Variants in MAP3K5 observed in about 807,000 individuals in gnomAD.
MAP3K5 encodes mitogen-activated protein kinase kinase kinase 5, also known as ASK-1.
MAP3K5 carries 56 observed loss-of-function variants against 158.7 expected under a neutral mutation model. The observed-to-expected ratio is 0.35, with a 90% CI of 0.28 to 0.44. The LOEUF is 0.44. Ranked by LOEUF, MAP3K5 falls within the 20% of genes least tolerant of loss-of-function variation. The pLI, the probability that MAP3K5 is intolerant of heterozygous loss-of-function variation, is 1.00. For missense variants in MAP3K5, 1,294 were observed against 1,674.8 expected (o/e 0.77, Z 3.97); for synonymous variants, 579 against 601.7 (o/e 0.96, Z 0.55).
At chr6:136,651,496 C>T (rs1778518259) in intron 10 of MAP3K5, among the ~76,000 whole-genome samples, 1 of 152,076 alleles carries the variant, frequency 6.6e-6, no homozygotes, top group Admixed American at 6.5e-5. Flanking sequence ...AATGTCACAT[C>T]CTTATTTTAG....
At chr6:136,581,913 T>C (rs540821328) in intron 24 of MAP3K5, among the ~76,000 whole-genome samples, 30 of 152,106 alleles carry the variant, frequency 2.0e-4, no homozygotes, top group African/African-American at 7.2e-4. Context: ...CAAAACCCAA[T>C]CTCTACTAAA....
At chr6:136,590,187 C>T (rs571493486) in intron 23 of MAP3K5, among the ~76,000 whole-genome samples, 1 of 152,114 alleles carries the variant, frequency 6.6e-6, no homozygotes, top group Non-Finnish European at 1.5e-5. Flanking sequence ...AGCATGAGGC[C>T]CTCACCAGAT....
chr6:136,693,758 G>C (rs940380027), intron 7 of MAP3K5, among the ~76,000 whole-genome samples: 1 of 152,166 alleles, frequency 6.6e-6, no homozygotes, highest in African/African-American at 2.4e-5. Flanking sequence ...AGGAGGCAGA[G>C]GCAGTTGGAT....
At chr6:136,596,767 C>G (rs531846269) in intron 21 of MAP3K5, among the ~76,000 whole-genome samples, 1 of 152,208 alleles carries the variant, frequency 6.6e-6, no homozygotes, top group Non-Finnish European at 1.5e-5. Flanking sequence ...GAAATATGAT[C>G]AAATCCACGC....
At position 136,669,322 on chromosome 6, in the gene MAP3K5, C is replaced by G; in HGVS notation, c.1327G>C (p.Gly443Arg). 1 of 1,613,800 alleles carries G rather than the reference C, an allele frequency of 6.2e-7. No homozygotes were observed. Among genetic ancestry groups the G allele is most frequent in the Non-Finnish European group, 8.5e-7 (1 of 1,179,772 alleles). The change falls in exon 8 of 30, where the codon GGA becomes CGA. Residue 443 changes from glycine to arginine, a missense_variant. Coordinates refer to ENST00000359015, the MANE Select transcript of MAP3K5 (RefSeq NM_005923.4). Reference sequence around the variant, plus strand: ...TCAAAGGAAGATTCAAACTGGTGTCCAGCTGCCAGGAGGAGGACCGCATAA... The same window carrying G: ...TCAAAGGAAGATTCAAACTGGTGTCGAGCTGCCAGGAGGAGGACCGCATAA... ...INYAVLLLAAGHQFESSFELR... is the reference protein window; with the variant it reads ...INYAVLLLAARHQFESSFELR...
intron 7 of MAP3K5, among the ~76,000 whole-genome samples, chr6:136,676,740 T>C (rs1211868519): frequency 6.6e-6 from 1 of 152,020 alleles, no homozygotes. Flanking sequence ...TCTAATTTCT[T>C]TGTGTTAACT....
chr6:136,577,692 T>C (rs538583339), intron 25 of MAP3K5, among the ~76,000 whole-genome samples: 2 of 152,234 alleles, frequency 1.3e-5, no homozygotes, highest in South Asian at 4.1e-4. Context: ...TTAAACTTTC[T>C]ATTCTGGAAG....
chr6:136,665,547 T>C (rs1443245830), intron 8 of MAP3K5, among the ~76,000 whole-genome samples: 2 of 152,132 alleles, frequency 1.3e-5, no homozygotes, highest in African/African-American at 4.8e-5. Context: ...GGATTCACCA[T>C]GTTCATCAGG....
chr6:136,615,030 AT>A (rs1210839232), intron 15 of MAP3K5, among the ~76,000 whole-genome samples: 1 of 152,206 alleles, frequency 6.6e-6, no homozygotes, highest in Non-Finnish European at 1.5e-5. Flanking sequence ...TATAAAAGTT[AT>A]TTTATATTTC....
chr6:136,686,901 T>C (rs1461328405), intron 7 of MAP3K5, among the ~76,000 whole-genome samples: 3 of 152,178 alleles, frequency 2.0e-5, no homozygotes, highest in Non-Finnish European at 4.4e-5. Flanking sequence ...ATTGACATTC[T>C]TCACAGAATT....
At chr6:136,580,222 GATATCAGAA>G in intron 25 of MAP3K5, 70 bp downstream of exon 25, 1 of 939,938 alleles carries the variant, frequency 1.1e-6, no homozygotes, top group Non-Finnish European at 1.7e-6. Context: ...GTACTAAGGT[GATATCAGAA>G]ATAACAGATG....
intron 18 of MAP3K5, among the ~76,000 whole-genome samples, chr6:136,608,426 TGA>T (rs1192070046): frequency 1.3e-5 from 2 of 151,758 alleles, no homozygotes; most frequent in African/African-American, 2.4e-5. Flanking sequence ...AGGTGAGCGA[TGA>T]GAGTGGCAGC....
At chr6:136,684,710 C>G (rs1780074151) in intron 7 of MAP3K5, among the ~76,000 whole-genome samples, 1 of 152,140 alleles carries the variant, frequency 6.6e-6, no homozygotes, top group Non-Finnish European at 1.5e-5. Context: ...TCCTGCAGCC[C>G]AAGTTGTCCT....
chr6:136,751,096 G>T (rs1029977798), intron 1 of MAP3K5, among the ~76,000 whole-genome samples: 1 of 149,092 alleles, frequency 6.7e-6, no homozygotes, highest in African/African-American at 2.5e-5. Context: ...CTCTAATGCA[G>T]ATTTCTCTGC....
chr6:136,776,372 G>T (rs1784404279), intron 1 of MAP3K5, among the ~76,000 whole-genome samples: 1 of 152,134 alleles, frequency 6.6e-6, no homozygotes. Context: ...AGCCTCCTGA[G>T]TAGCTGGGAC....
chr6:136,770,054 C>A (rs576922388), intron 1 of MAP3K5, among the ~76,000 whole-genome samples: 21 of 152,230 alleles, frequency 1.4e-4, no homozygotes, highest in African/African-American at 4.8e-4. Context: ...CCTCTTCCTG[C>A]AATGGAAGGG....
At chr6:136,777,706 A>T (rs1000451774) in intron 1 of MAP3K5, among the ~76,000 whole-genome samples, 1 of 152,236 alleles carries the variant, frequency 6.6e-6, no homozygotes, top group Non-Finnish European at 1.5e-5. Flanking sequence ...TGTTTTATGT[A>T]TATCAAATTA....
At chr6:136,713,113 C>T (rs1425605239) in intron 2 of MAP3K5, among the ~76,000 whole-genome samples, 1 of 152,178 alleles carries the variant, frequency 6.6e-6, no homozygotes, top group Non-Finnish European at 1.5e-5. Context: ...TCAACTTCCA[C>T]AGAAAGAGTC....
At chr6:136,598,552 T>C (rs1278590297) in intron 21 of MAP3K5, among the ~76,000 whole-genome samples, 2 of 152,206 alleles carry the variant, frequency 1.3e-5, no homozygotes, top group African/African-American at 4.8e-5. Flanking sequence ...CTGACATGAA[T>C]TACTTAAATC....
Sources: gnomAD v4.1 joint callset for allele counts (sites outside exome capture counted in the v4.1 genomes callset) on GRCh38, gnomAD v4.1.1 for gene constraint, MANE v1.5 for transcripts, NCBI Gene and HGNC (gene_info 2026-07-23, HGNC 2026-07-21) for gene names.